The following IL1RAPL1 variants were observed in gnomAD, a reference collection of about 807,000 sequenced individuals.
The protein encoded by IL1RAPL1 is interleukin-1 receptor accessory protein-like 1.
IL1RAPL1 carries 3 observed loss-of-function variants against 48.4 expected under a neutral mutation model. The ratio of observed to expected loss-of-function variants is 0.06; its 90% CI spans 0.03 to 0.16. IL1RAPL1 has a LOEUF of 0.16. IL1RAPL1 is among the 10% of genes least tolerant of loss of function. IL1RAPL1 has a pLI of 1.00. For synonymous variants in IL1RAPL1, 185 were observed against 187.7 expected, an observed-to-expected ratio of 0.99 and a Z score of 0.12; for missense variants, 349 against 530.6, an observed-to-expected ratio of 0.66 and a Z score of 3.36.
At chrX:29,075,112 A>G (rs758634667) in intron 2 of IL1RAPL1, among the ~76,000 whole-genome samples, 2 of 111,652 alleles carry the variant, frequency 1.8e-5, no homozygotes, top group Non-Finnish European at 3.8e-5. Context: ...TATAATGACA[A>G]CGTTGGTTTG....
chrX:29,643,889 T>G (rs778989379), intron 5 of IL1RAPL1, among the ~76,000 whole-genome samples: 61 of 112,098 alleles, frequency 5.4e-4, no homozygotes, highest in Non-Finnish European at 9.4e-4. Flanking sequence ...ACACATTTTT[T>G]TGTGTGTGTC....
chrX:28,848,925 CT>C (rs1377198308), intron 2 of IL1RAPL1, among the ~76,000 whole-genome samples: 2 of 111,585 alleles, frequency 1.8e-5, no homozygotes, highest in African/African-American at 6.5e-5. Flanking sequence ...TTAACATGAC[CT>C]AATTTTCAGA....
rs138950415 is a variant in IL1RAPL1 at position 29,915,246 on chromosome X, A to G, written c.779-2218A>G. ...CGGGAGGCAGAGGCTGCAGTGAGCCAAGATCGCATCCCTGCATCTTAGCCT... is the reference window on the plus strand; with the variant it reads ...CGGGAGGCAGAGGCTGCAGTGAGCCGAGATCGCATCCCTGCATCTTAGCCT... On this transcript the variant is annotated intron_variant, in intron 6 of 10. Coordinates refer to ENST00000378993, the MANE Select transcript of IL1RAPL1 (RefSeq NM_014271.4). 1.1e-3 allele frequency among the ~76,000 whole-genome samples: 123 copies of G among 111,987 alleles called. 1 individual carries two copies. The highest frequency in any genetic ancestry group is 3.8e-3 in the African/African-American group (119 of 30,924).
At chrX:29,328,175 A>T (rs1569286474) in intron 3 of IL1RAPL1, among the ~76,000 whole-genome samples, 1 of 111,867 alleles carries the variant, frequency 8.9e-6, no homozygotes, top group Non-Finnish European at 1.9e-5. Flanking sequence ...AATCTACTAT[A>T]TATGGAGAAA....
At chrX:29,954,399 A>G in intron 9 of IL1RAPL1, 123 bp from the exon 10 acceptor site, 1 of 561,442 alleles carries the variant, frequency 1.8e-6, no homozygotes, top group Non-Finnish European at 3.0e-6. Flanking sequence ...TGAAGGCTTC[A>G]TTTTTCGGTC....
At position 28,698,613 on chromosome X, in the gene IL1RAPL1, G is replaced by C. The variant is rs768631335; in HGVS notation, c.-24-90707G>C. ...GACAATTTAAAAAAATAGGCTACCT[G>C]TCTTAATGTATATAACAAGTTAAGT... On this transcript the variant is annotated intron_variant, in intron 1 of 10. Transcript: ENST00000378993. Among the ~76,000 whole-genome samples the C allele has an allele frequency of 3.6e-5, 4 of 111,346 alleles. No homozygotes were observed. In the East Asian group the frequency reaches 1.1e-3, roughly 31 times the overall value.
At chrX:29,245,512 T>A (rs1276926490) in intron 2 of IL1RAPL1, among the ~76,000 whole-genome samples, 3 of 112,338 alleles carry the variant, frequency 2.7e-5, no homozygotes, top group African/African-American at 9.7e-5. Flanking sequence ...TGATTTGCAT[T>A]TGTCTAATGA....
intron 6 of IL1RAPL1, among the ~76,000 whole-genome samples, chrX:29,808,005 C>G (rs746629262): frequency 5.4e-5 from 6 of 111,376 alleles, no homozygotes; most frequent in Non-Finnish European, 7.5e-5. Flanking sequence ...AAATAGTCAC[C>G]CTCATACACT....
chrX:29,949,880 A>G (rs1384965850), intron 9 of IL1RAPL1, among the ~76,000 whole-genome samples: 1 of 112,193 alleles, frequency 8.9e-6, no homozygotes, highest in South Asian at 3.7e-4. Context: ...CTTAGAATCC[A>G]TATGATTTTG....
rs1357052081 is a variant in IL1RAPL1, at chrX:29,809,818, CTG to C, written c.779-107642_779-107641del. 2.8e-5 allele frequency among the ~76,000 whole-genome samples: 3 copies of C among 106,588 alleles called. No individual in the cohort carries two copies. In the Admixed American group the frequency reaches 3.0e-4, roughly 11 times the overall value. The allele number at this position is 106,588 out of a possible 115,157, so 92.6% of individuals were successfully genotyped here. On this transcript the variant is annotated intron_variant, in intron 6 of 10. Transcript: ENST00000378993. ...GCTCATCATACCTTCCTGCATCCCT[CTG>C]TGTTAGTTTTCCTTCTGCCTAAAAA...
chrX:29,258,806 T>A (rs1364751110), intron 2 of IL1RAPL1, among the ~76,000 whole-genome samples: 1 of 111,088 alleles, frequency 9.0e-6, no homozygotes, highest in Non-Finnish European at 1.9e-5. Flanking sequence ...TAAATGGATG[T>A]CAGGTGTGCA....
chrX:29,478,626 G>A (rs1252218897), intron 5 of IL1RAPL1, among the ~76,000 whole-genome samples: 1 of 111,214 alleles, frequency 9.0e-6, no homozygotes. Context: ...TGGAGACTCT[G>A]CAGACTTAAC....
chrX:28,899,201 G>A (rs1923010383), intron 2 of IL1RAPL1, among the ~76,000 whole-genome samples: 1 of 111,441 alleles, frequency 9.0e-6, no homozygotes, highest in African/African-American at 3.3e-5. Flanking sequence ...CAAGAGAACA[G>A]CATGGGGGAA....
intron 5 of IL1RAPL1, among the ~76,000 whole-genome samples, chrX:29,609,599 A>G (rs903103355): frequency 8.9e-5 from 10 of 112,088 alleles, no homozygotes; most frequent in African/African-American, 3.2e-4. Flanking sequence ...ATCAGAGCCA[A>G]TTGGCTTTTA....
At chrX:29,738,349 ATT>A (rs1288671433) in intron 6 of IL1RAPL1, among the ~76,000 whole-genome samples, 1 of 111,526 alleles carries the variant, frequency 9.0e-6, no homozygotes, top group Non-Finnish European at 1.9e-5. Flanking sequence ...GCCTGAGGTA[ATT>A]CTAAAAGATC....
At chrX:28,768,357 T>C (rs1405530312) in intron 1 of IL1RAPL1, among the ~76,000 whole-genome samples, 1 of 110,766 alleles carries the variant, frequency 9.0e-6, no homozygotes, top group Non-Finnish European at 1.9e-5. Flanking sequence ...AGCACAGTTA[T>C]GACACTGAGA....
chrX:29,094,228 G>T (rs192225007), intron 2 of IL1RAPL1, among the ~76,000 whole-genome samples: 1 of 111,030 alleles, frequency 9.0e-6, no homozygotes, highest in African/African-American at 3.3e-5. Flanking sequence ...CTTGGGATAT[G>T]TTTGACTCCC....
At chrX:29,684,244 C>G (rs1009746555) in intron 6 of IL1RAPL1, among the ~76,000 whole-genome samples, 2 of 111,706 alleles carry the variant, frequency 1.8e-5, no homozygotes, top group African/African-American at 6.5e-5. Context: ...AAGATCAAGG[C>G]GCCAGCAGAT....
intron 6 of IL1RAPL1, among the ~76,000 whole-genome samples, chrX:29,818,078 G>A (rs1167661033): frequency 8.9e-6 from 1 of 111,941 alleles, no homozygotes; most frequent in Non-Finnish European, 1.9e-5. Flanking sequence ...CCATAAAAGT[G>A]GGATGAGTTC....
Sources: allele counts gnomAD v4.1 joint callset (sites outside exome capture counted in the v4.1 genomes callset), GRCh38; gene constraint gnomAD v4.1.1; transcripts MANE v1.5; gene names NCBI Gene and HGNC (gene_info 2026-07-23, HGNC 2026-07-21).